Variants in EXT1 observed in about 807,000 individuals in gnomAD.
EXT1 encodes exostosin glycosyltransferase 1.
Under a neutral mutation model 82.5 loss-of-function variants are expected in EXT1, and 20 were observed. The observed-to-expected ratio is 0.24, with a 90% CI of 0.17 to 0.35. EXT1 has a LOEUF of 0.35. EXT1 is among the 10% of genes least tolerant of loss of function. The pLI is 1.00. For missense variants in EXT1, 757 were observed against 936.5 expected (o/e 0.81, Z 2.50); for synonymous variants, 348 against 350.8 (o/e 0.99, Z 0.09).
intron 1 of EXT1, among the ~76,000 whole-genome samples, chr8:117,916,728 C>T (rs922236005): frequency 2.0e-5 from 3 of 151,902 alleles, no homozygotes; most frequent in African/African-American, 7.3e-5. Context: ...GTCTGGCCAA[C>T]ATGGTGAAAC....
chr8:118,035,954 C>T (rs944467900), intron 1 of EXT1, among the ~76,000 whole-genome samples: 3 of 152,174 alleles, frequency 2.0e-5, no homozygotes, highest in African/African-American at 4.8e-5. Flanking sequence ...ATCTCTCTTC[C>T]ACTACTGTAA....
At chr8:118,074,687 G>A (rs1026844001) in intron 1 of EXT1, among the ~76,000 whole-genome samples, 1 of 152,222 alleles carries the variant, frequency 6.6e-6, no homozygotes, top group Non-Finnish European at 1.5e-5. Flanking sequence ...CTCCAGGCAA[G>A]AGAAAGGGAG....
intron 1 of EXT1, among the ~76,000 whole-genome samples, chr8:118,104,053 T>G (rs573920766): frequency 3.2e-4 from 49 of 152,352 alleles, no homozygotes; most frequent in African/African-American, 1.2e-3. Flanking sequence ...GGAATCTAAG[T>G]ACCCAGGTAG....
chr8:117,968,171 T>G (rs1814861292), intron 1 of EXT1, among the ~76,000 whole-genome samples: 2 of 152,132 alleles, frequency 1.3e-5, no homozygotes, highest in Non-Finnish European at 2.9e-5. Flanking sequence ...AGGGGCATGA[T>G]CATAGCTGAC....
chr8:117,901,733 G>A (rs1451377960), intron 1 of EXT1, among the ~76,000 whole-genome samples: 1 of 151,838 alleles, frequency 6.6e-6, no homozygotes, highest in Non-Finnish European at 1.5e-5. Flanking sequence ...ATGTCACTCT[G>A]TCTCCTAGGC....
At chr8:117,841,241 T>C (rs1286718640) in intron 1 of EXT1, among the ~76,000 whole-genome samples, 1 of 152,130 alleles carries the variant, frequency 6.6e-6, no homozygotes, top group Non-Finnish European at 1.5e-5. Flanking sequence ...AGCAATAAAG[T>C]GGGACAAACT....
intron 3 of EXT1, among the ~76,000 whole-genome samples, chr8:117,832,384 C>A (rs1342784639): frequency 6.6e-6 from 1 of 152,034 alleles, no homozygotes; most frequent in Non-Finnish European, 1.5e-5. Flanking sequence ...ATTAGCTGGG[C>A]ATGGTGGTGT....
In EXT1 at chr8:117,827,257, T is replaced by C. The variant is rs148568646; in HGVS notation, c.1284+2973A>G. 3.3e-4 allele frequency among the ~76,000 whole-genome samples: 51 copies of C among 152,252 alleles called. 1 individual carries two copies. The highest frequency in any genetic ancestry group is 1.2e-3 in the African/African-American group (50 of 41,554). On this transcript the variant is annotated intron_variant, in intron 4 of 10. Coordinates refer to ENST00000378204, the MANE Select transcript of EXT1 (RefSeq NM_000127.3). Reference sequence around the variant, plus strand: ...GGATTCCATCCTAAAGAAATAGAGATGTAGTTTAAGATACATGTAGAAAGT... The same window carrying C: ...GGATTCCATCCTAAAGAAATAGAGACGTAGTTTAAGATACATGTAGAAAGT...
intron 1 of EXT1, among the ~76,000 whole-genome samples, chr8:118,046,868 G>A (rs1054912094): frequency 1.3e-5 from 2 of 152,164 alleles, no homozygotes; most frequent in African/African-American, 4.8e-5. Context: ...CCCCTATGGG[G>A]TCTTTCTTTG....
At chr8:118,046,755 C>T (rs1219846388) in intron 1 of EXT1, among the ~76,000 whole-genome samples, 2 of 152,260 alleles carry the variant, frequency 1.3e-5, no homozygotes, top group African/African-American at 4.8e-5. Flanking sequence ...AACCTGGTAC[C>T]CAGCTGGAAC....
At chr8:117,972,159 A>AAAAG (rs1391728897) in intron 1 of EXT1, among the ~76,000 whole-genome samples, 2 of 151,888 alleles carry the variant, frequency 1.3e-5, no homozygotes, top group African/African-American at 4.8e-5. Flanking sequence ...AAAAAAAAAA[A>AAAAG]AAAGAAAGAA....
chr8:118,035,782 A>T (rs1423917602), intron 1 of EXT1, among the ~76,000 whole-genome samples: 1 of 152,166 alleles, frequency 6.6e-6, no homozygotes, highest in East Asian at 1.9e-4. Context: ...ATTTTTCTTC[A>T]ATCTGTAAGT....
At chr8:117,897,191 T>A (rs1225303549) in intron 1 of EXT1, among the ~76,000 whole-genome samples, 1 of 152,230 alleles carries the variant, frequency 6.6e-6, no homozygotes. Context: ...TGCATGTGGC[T>A]TTATCCCCTG....
intron 10 of EXT1, among the ~76,000 whole-genome samples, chr8:117,801,259 T>C (rs1823162547): frequency 6.6e-6 from 1 of 152,252 alleles, no homozygotes; most frequent in African/African-American, 2.4e-5. Flanking sequence ...TGGTGAAGTA[T>C]CTACCCAGGT....
rs1823114647 is a variant in EXT1 at position 117,798,367 on chromosome 8, T to A, written c.*1345A>T. 1 of 152,146 alleles carries A rather than the reference T, an allele frequency of 6.6e-6. No homozygotes were observed. The highest frequency in any genetic ancestry group is 1.5e-5 in the Non-Finnish European group (1 of 68,032). 9.4% of individuals were successfully genotyped at this position (152,146 alleles called of 1,614,324 possible). A position where few individuals can be genotyped will look rare whatever the true frequency, so the allele number is the denominator to read the frequency against. Reference sequence around the variant, plus strand: ...TCCAAGTAGAAGAAAGCATTTAATATCAGAAGTCTCCATTTTTCATAACAG... The same window carrying A: ...TCCAAGTAGAAGAAAGCATTTAATAACAGAAGTCTCCATTTTTCATAACAG... On this transcript the variant is annotated 3_prime_UTR_variant, in exon 11 of 11. Transcript: ENST00000378204.
intron 1 of EXT1, among the ~76,000 whole-genome samples, chr8:118,100,612 G>A (rs1217275876): frequency 6.6e-6 from 1 of 152,124 alleles, no homozygotes; most frequent in Admixed American, 6.5e-5. Context: ...TGGGCATGGT[G>A]GCATGCACCT....
chr8:118,079,116 C>T (rs753781139), intron 1 of EXT1, among the ~76,000 whole-genome samples: 14 of 151,996 alleles, frequency 9.2e-5, no homozygotes, highest in Non-Finnish European at 2.1e-4. Context: ...GATATACTGA[C>T]GAATCAGGAA....
rs1823130884 is a variant in EXT1 at position 117,799,478 on chromosome 8, C to A, written c.*234G>T. 4 of 575,172 alleles carry A rather than the reference C, an allele frequency of 7.0e-6. No homozygotes were observed. Among genetic ancestry groups the A allele is most frequent in the South Asian group, 4.1e-5 (2 of 48,490 alleles). 35.6% of individuals were successfully genotyped at this position (575,172 alleles called of 1,614,324 possible). On this transcript the variant is annotated 3_prime_UTR_variant, in exon 11 of 11. Transcript: ENST00000378204. ...TAATGTTCCATAATTAAACTGTACA[C>A]AACCTAGTCTTGGGACACAGAAGCC...
intron 1 of EXT1, among the ~76,000 whole-genome samples, chr8:117,863,857 T>C (rs1246007630): frequency 6.6e-6 from 1 of 152,148 alleles, no homozygotes; most frequent in Non-Finnish European, 1.5e-5. Context: ...GTATTTTATA[T>C]ATGCATATGA....
Sources: gnomAD v4.1 joint callset for allele counts (sites outside exome capture counted in the v4.1 genomes callset) on GRCh38, gnomAD v4.1.1 for gene constraint, MANE v1.5 for transcripts, NCBI Gene and HGNC (gene_info 2026-07-23, HGNC 2026-07-21) for gene names.